The following ZNF827 variants were observed in gnomAD, a reference collection of about 807,000 sequenced individuals.
ZNF827 encodes zinc finger protein 827.
Under a neutral mutation model 102.4 loss-of-function variants are expected in ZNF827, and 13 were observed. That is an observed-to-expected ratio of 0.13 (90% confidence interval 0.08 to 0.20). ZNF827 has a LOEUF of 0.20. Ranked by LOEUF, ZNF827 falls within the 10% of genes least tolerant of loss-of-function variation. The probability of loss-of-function intolerance (pLI) is 1.00; values close to 1 mark genes in which losing one functional copy is unlikely to be tolerated. For synonymous variants in ZNF827, 523 were observed against 536.2 expected (o/e 0.98, Z 0.34); for missense variants, 1,103 against 1,344.4 (o/e 0.82, Z 2.81).
chr4:145,865,522 A>AC (rs1479907713), intron 5 of ZNF827, among the ~76,000 whole-genome samples: 1 of 152,204 alleles, frequency 6.6e-6, no homozygotes, highest in Non-Finnish European at 1.5e-5. Flanking sequence ...GGTCCAGAGT[A>AC]GGGCTCAAGA....
At chr4:145,771,259 T>C (rs973738161) in intron 11 of ZNF827, among the ~76,000 whole-genome samples, 2 of 152,272 alleles carry the variant, frequency 1.3e-5, no homozygotes, top group African/African-American at 4.8e-5. Context: ...GAAATTTTTA[T>C]GTGTCAGATC....
chr4:145,824,722 C>T (rs750773712), intron 7 of ZNF827, among the ~76,000 whole-genome samples: 10 of 152,134 alleles, frequency 6.6e-5, no homozygotes, highest in African/African-American at 2.4e-4. Flanking sequence ...ATCACTACCC[C>T]CCACCACTCC....
At chr4:145,777,803 A>T (rs1737343441) in intron 9 of ZNF827, among the ~76,000 whole-genome samples, 1 of 151,930 alleles carries the variant, frequency 6.6e-6, no homozygotes, top group Non-Finnish European at 1.5e-5. Flanking sequence ...ACCTCTATAA[A>T]TTTTCCTCTG....
intron 8 of ZNF827, among the ~76,000 whole-genome samples, chr4:145,807,646 A>G (rs1490889965): frequency 6.6e-6 from 1 of 151,816 alleles, no homozygotes; most frequent in Admixed American, 6.6e-5. Flanking sequence ...TAATTTTTGT[A>G]TTTTTAGTAG....
At chr4:145,767,958 T>A (rs1459450197) in intron 11 of ZNF827, among the ~76,000 whole-genome samples, 1 of 152,222 alleles carries the variant, frequency 6.6e-6, no homozygotes, top group African/African-American at 2.4e-5. Flanking sequence ...TCATAATTTT[T>A]AAATTATTGA....
At chr4:145,879,151 T>C (rs369847529) in intron 4 of ZNF827, among the ~76,000 whole-genome samples, 10 of 152,158 alleles carry the variant, frequency 6.6e-5, no homozygotes, top group African/African-American at 2.4e-4. Context: ...GCTAATTAAG[T>C]AGTCAAGAGC....
chr4:145,848,069 C>T (rs548000906), intron 6 of ZNF827, among the ~76,000 whole-genome samples: 6 of 152,308 alleles, frequency 3.9e-5, no homozygotes, highest in Admixed American at 2.6e-4. Context: ...CGACAGCATA[C>T]GGTTTAGAGA....
At chr4:145,930,065 T>C (rs534796898) in intron 1 of ZNF827, among the ~76,000 whole-genome samples, 2 of 152,320 alleles carry the variant, frequency 1.3e-5, no homozygotes, top group African/African-American at 2.4e-5. Flanking sequence ...AGTTGTGCCA[T>C]ACACAGTAGA....
intron 9 of ZNF827, among the ~76,000 whole-genome samples, chr4:145,778,378 C>T (rs1186071969): frequency 6.6e-6 from 1 of 152,234 alleles, no homozygotes; most frequent in Non-Finnish European, 1.5e-5. Context: ...AGGTGATCCA[C>T]CTGCCTTGGC....
intron 11 of ZNF827, among the ~76,000 whole-genome samples, chr4:145,772,115 A>G (rs1219606775): frequency 6.6e-6 from 1 of 152,198 alleles, no homozygotes; most frequent in Non-Finnish European, 1.5e-5. Flanking sequence ...CTAGGACTCT[A>G]AGGTTCAAGC....
At chr4:145,824,505 C>T (rs1743468285) in intron 7 of ZNF827, among the ~76,000 whole-genome samples, 2 of 152,136 alleles carry the variant, frequency 1.3e-5, no homozygotes, top group Admixed American at 6.5e-5. Flanking sequence ...GAAGCCATTG[C>T]CACCCTGAGG....
At chr4:145,829,425 T>C (rs1018228193) in intron 7 of ZNF827, among the ~76,000 whole-genome samples, 2 of 152,260 alleles carry the variant, frequency 1.3e-5, no homozygotes, top group East Asian at 3.9e-4. Flanking sequence ...AAAAAATTCT[T>C]CGGTGAATTA....
chr4:145,833,768 C>T (rs2126563034), intron 7 of ZNF827, among the ~76,000 whole-genome samples: 1 of 151,930 alleles, frequency 6.6e-6, no homozygotes, highest in Admixed American at 6.6e-5. Context: ...TATTTCTGCA[C>T]CCCAACCTCT....
At chr4:145,913,691 A>T (rs918552129) in intron 1 of ZNF827, among the ~76,000 whole-genome samples, 3 of 152,182 alleles carry the variant, frequency 2.0e-5, no homozygotes, top group Non-Finnish European at 4.4e-5. Flanking sequence ...TACAAAAGGC[A>T]CATAGAATCT....
At chr4:145,825,741 T>C (rs1009330833) in intron 7 of ZNF827, among the ~76,000 whole-genome samples, 3 of 152,190 alleles carry the variant, frequency 2.0e-5, no homozygotes, top group Non-Finnish European at 2.9e-5. Flanking sequence ...TGTGGATTCC[T>C]GCTGATGTGA....
At chr4:145,775,403 G>A (rs1394790363) in intron 10 of ZNF827, among the ~76,000 whole-genome samples, 2 of 151,988 alleles carry the variant, frequency 1.3e-5, no homozygotes, top group African/African-American at 4.8e-5. Flanking sequence ...GTTCTCTGGG[G>A]TTCTCAGATT....
intron 1 of ZNF827, chr4:145,907,226 G>A (rs972063260): frequency 8.8e-6 from 4 of 455,992 alleles, no homozygotes; most frequent in African/African-American, 8.0e-5. Flanking sequence ...TTTGCCTGCT[G>A]GGCTCCTCTA....
rs116595312 is a variant in ZNF827 at position 145,776,027 on chromosome 4, G to A, written c.2522-67C>T. 3,340 of 1,574,536 alleles carry A rather than the reference G, an allele frequency of 2.1e-3. 6 individuals carry two copies. The highest frequency in any genetic ancestry group is 2.7e-3 in the Non-Finnish European group (3,076 of 1,146,914). On this transcript the variant is annotated intron_variant, in intron 9 of 14. Coordinates refer to ENST00000508784, the MANE Select transcript of ZNF827 (RefSeq NM_001306215.2). ...AAAAGGAAGTCCCAACACCTTGCAA[G>A]AATCAGTTAAAGGTATCAAGGAAAG... is the stretch of plus-strand genomic sequence containing the variant.
At chr4:145,819,458 G>A (rs571088747) in intron 8 of ZNF827, among the ~76,000 whole-genome samples, 21 of 152,298 alleles carry the variant, frequency 1.4e-4, no homozygotes, top group Non-Finnish European at 2.5e-4. Flanking sequence ...GACAGCTGCA[G>A]GTACAATGGC....
Sources: allele counts gnomAD v4.1 joint callset (sites outside exome capture counted in the v4.1 genomes callset), GRCh38; gene constraint gnomAD v4.1.1; transcripts MANE v1.5; gene names NCBI Gene and HGNC (gene_info 2026-07-23, HGNC 2026-07-21).